The following PPP1R12A variants were observed in gnomAD, a reference collection of about 807,000 sequenced individuals.
PPP1R12A encodes the protein protein phosphatase 1 regulatory subunit 12A.
In PPP1R12A, 19 loss-of-function variants were observed where a neutral mutation model predicts 139.6. The ratio of observed to expected loss-of-function variants is 0.14; its 90% CI spans 0.09 to 0.20. The LOEUF (loss-of-function observed/expected upper bound fraction) is 0.20. PPP1R12A is among the 10% of genes least tolerant of loss of function. The pLI, the probability that PPP1R12A is intolerant of heterozygous loss-of-function variation, is 1.00. For missense variants in PPP1R12A, 925 were observed against 1,211.5 expected (o/e 0.76, Z 3.51); for synonymous variants, 427 against 420.6 (o/e 1.02, Z -0.19).
intron 5 of PPP1R12A, among the ~76,000 whole-genome samples, chr12:79,826,311 GT>G (rs1876749147): frequency 1.4e-5 from 2 of 144,758 alleles, no homozygotes. Flanking sequence ...TAAATTCTAT[GT>G]AAATATGAGG....
intron 3 of PPP1R12A, among the ~76,000 whole-genome samples, chr12:79,837,193 T>C (rs900453010): frequency 6.6e-6 from 1 of 152,078 alleles, no homozygotes; most frequent in Non-Finnish European, 1.5e-5. Flanking sequence ...TAATATATAA[T>C]AAAACTAAAT....
At chr12:79,930,051 A>C (rs2136972865) in intron 1 of PPP1R12A, among the ~76,000 whole-genome samples, 1 of 152,334 alleles carries the variant, frequency 6.6e-6, no homozygotes, top group Non-Finnish European at 1.5e-5. Flanking sequence ...TTAGGTCCTC[A>C]GAGGCTACAA....
intron 1 of PPP1R12A, among the ~76,000 whole-genome samples, chr12:79,882,857 G>A (rs1002874402): frequency 1.3e-5 from 2 of 152,138 alleles, no homozygotes; most frequent in Admixed American, 6.5e-5. Context: ...CCCTCCACTA[G>A]GCCAGGCGCG....
intron 22 of PPP1R12A, among the ~76,000 whole-genome samples, chr12:79,783,721 T>C (rs1175094796): frequency 1.3e-5 from 2 of 151,880 alleles, no homozygotes; most frequent in East Asian, 1.9e-4. Context: ...CATGGAAAAA[T>C]AGCATTTCAC....
At chr12:79,906,167 A>T (rs944287177) in intron 1 of PPP1R12A, among the ~76,000 whole-genome samples, 23 of 152,206 alleles carry the variant, frequency 1.5e-4, no homozygotes, top group African/African-American at 5.5e-4. Context: ...CAAATAATAA[A>T]AACCTAGAAA....
chr12:79,889,700 G>T (rs1319412955), intron 1 of PPP1R12A, among the ~76,000 whole-genome samples: 5 of 152,092 alleles, frequency 3.3e-5, no homozygotes, highest in Non-Finnish European at 5.9e-5. Context: ...AGAAATGGTG[G>T]GGTTGGGGTT....
rs1221252822 is a variant in PPP1R12A at position 79,925,946 on chromosome 12, GT to G, written c.237+8748del. On this transcript the variant is annotated intron_variant, in intron 1 of 24. Coordinates refer to ENST00000450142, the MANE Select transcript of PPP1R12A (RefSeq NM_002480.3). The stretch of plus-strand genomic sequence containing the variant: ...TCTTTCTTTTCTTTTCTCTTTATTG[GT>G]AGAGACACCGTCTCCCTATATTGCC... Among the ~76,000 whole-genome samples, 6 of 151,970 alleles carry G rather than the reference GT, an allele frequency of 3.9e-5. No homozygotes were observed. The East Asian group carries it at 1.2e-3, about 29-fold the overall frequency.
intron 11 of PPP1R12A, 102 bp from the exon 12 acceptor site, chr12:79,807,432 CCTTTGGG>C: frequency 1.4e-6 from 1 of 699,748 alleles, no homozygotes; most frequent in South Asian, 1.8e-5. Flanking sequence ...CTAGTAAAAA[CCTTTGGG>C]AGGACACTTA....
chr12:79,876,938 G>A (rs1469776639), intron 1 of PPP1R12A, among the ~76,000 whole-genome samples: 3 of 152,020 alleles, frequency 2.0e-5, no homozygotes, highest in African/African-American at 7.3e-5. Context: ...TTGACCCCGG[G>A]AGGCAGAGGT....
chr12:79,795,870 G>A, intron 17 of PPP1R12A, 111 bp from the exon 18 acceptor site: 1 of 977,724 alleles, frequency 1.0e-6, no homozygotes, highest in East Asian at 2.8e-5. Context: ...TAGGGGGATG[G>A]AAGGTAGGCA....
At chr12:79,798,057 T>C (rs924974001) in intron 15 of PPP1R12A, among the ~76,000 whole-genome samples, 1 of 152,166 alleles carries the variant, frequency 6.6e-6, no homozygotes, top group African/African-American at 2.4e-5. Context: ...ATTAGTTGTT[T>C]ATACCTAATA....
intron 1 of PPP1R12A, among the ~76,000 whole-genome samples, chr12:79,910,203 G>C (rs1886453222): frequency 6.6e-6 from 1 of 152,034 alleles, no homozygotes; most frequent in African/African-American, 2.4e-5. Flanking sequence ...CTTAAAACCA[G>C]GCACAGTGGC....
At chr12:79,848,958 A>C (rs942481304) in intron 2 of PPP1R12A, 3 of 151,982 alleles carry the variant, frequency 2.0e-5, no homozygotes, top group African/African-American at 7.2e-5. Context: ...GATATAGTTG[A>C]GTATAATACA....
intron 1 of PPP1R12A, among the ~76,000 whole-genome samples, chr12:79,913,085 T>C (rs1255550652): frequency 6.6e-6 from 1 of 152,254 alleles, no homozygotes; most frequent in South Asian, 2.1e-4. Flanking sequence ...GCTCTTAATT[T>C]GCATTTCTCT....
intron 1 of PPP1R12A, among the ~76,000 whole-genome samples, chr12:79,908,178 C>A (rs1444463134): frequency 1.3e-5 from 2 of 152,168 alleles, no homozygotes; most frequent in Admixed American, 1.3e-4. Context: ...CTTACAGTGT[C>A]TTCCACAGTA....
At chr12:79,892,658 T>C (rs1335234072) in intron 1 of PPP1R12A, among the ~76,000 whole-genome samples, 1 of 152,116 alleles carries the variant, frequency 6.6e-6, no homozygotes, top group Non-Finnish European at 1.5e-5. Flanking sequence ...GGGGAAGTAA[T>C]AGGGCAGAAA....
chr12:79,878,450 G>C (rs1883324042), intron 1 of PPP1R12A: 1 of 151,926 alleles, frequency 6.6e-6, no homozygotes, highest in Admixed American at 6.6e-5. Context: ...ATATGGAAAT[G>C]GAAAAGGATA....
intron 3 of PPP1R12A, among the ~76,000 whole-genome samples, chr12:79,833,207 C>G (rs1391445378): frequency 6.6e-6 from 1 of 151,870 alleles, no homozygotes; most frequent in African/African-American, 2.4e-5. Context: ...GAGGTCAAGG[C>G]TGCAGCGAGC....
chr12:79,882,192 T>C (rs1164922054), intron 1 of PPP1R12A, among the ~76,000 whole-genome samples: 2 of 152,228 alleles, frequency 1.3e-5, no homozygotes, highest in African/African-American at 4.8e-5. Context: ...TTTGTAATGC[T>C]ATAGTTAGTT....
Sources: allele counts gnomAD v4.1 joint callset (sites outside exome capture counted in the v4.1 genomes callset), GRCh38; gene constraint gnomAD v4.1.1; transcripts MANE v1.5; gene names NCBI Gene and HGNC (gene_info 2026-07-23, HGNC 2026-07-21).